Variants in RANBP10 observed in about 807,000 individuals in gnomAD.
RANBP10 encodes ran-binding protein 10.
Under a neutral mutation model 72.8 loss-of-function variants are expected in RANBP10, and 24 were observed. The observed-to-expected ratio is 0.33, with a 90% CI of 0.24 to 0.46. RANBP10 has a LOEUF of 0.46. RANBP10 is among the 20% of genes least tolerant of loss of function. The pLI, the probability that RANBP10 is intolerant of heterozygous loss-of-function variation, is 1.00. For synonymous variants in RANBP10, 310 were observed against 322.3 expected (o/e 0.96, Z 0.41); for missense variants, 679 against 817.5 (o/e 0.83, Z 2.07).
chr16:67,765,575 G>A (rs1167735163), intron 3 of RANBP10, among the ~76,000 whole-genome samples: 1 of 152,072 alleles, frequency 6.6e-6, no homozygotes, highest in Non-Finnish European at 1.5e-5. Context: ...AGTGGCTCAC[G>A]CCTGTAGTCC....
chr16:67,770,340 T>A (rs2143012272), intron 3 of RANBP10, among the ~76,000 whole-genome samples: 1 of 151,784 alleles, frequency 6.6e-6, no homozygotes, highest in South Asian at 2.1e-4. Context: ...GAAAAACCAG[T>A]TTTCACTCAG....
chr16:67,783,279 A>C (rs2054847150), intron 2 of RANBP10, among the ~76,000 whole-genome samples: 1 of 152,134 alleles, frequency 6.6e-6, no homozygotes, highest in Non-Finnish European at 1.5e-5. Flanking sequence ...AGAGGACAGA[A>C]CTTTAGAAAC....
At chr16:67,771,441 G>A (rs2054606106) in intron 3 of RANBP10, among the ~76,000 whole-genome samples, 1 of 151,990 alleles carries the variant, frequency 6.6e-6, no homozygotes, top group African/African-American at 2.4e-5. Flanking sequence ...CACCTCCCGG[G>A]TTCAAGCGAT....
At chr16:67,780,824 A>G (rs2054796879) in intron 2 of RANBP10, among the ~76,000 whole-genome samples, 1 of 152,252 alleles carries the variant, frequency 6.6e-6, no homozygotes, top group African/African-American at 2.4e-5. Context: ...GGAAAGGTCA[A>G]TTCTCTGAGA....
chr16:67,764,114 C>T (rs1350142241), intron 3 of RANBP10, among the ~76,000 whole-genome samples: 3 of 152,204 alleles, frequency 2.0e-5, no homozygotes, highest in African/African-American at 7.2e-5. Context: ...GAAACACTTA[C>T]TTCAGAGAGA....
At chr16:67,737,240 G>A (rs1312214831) in intron 5 of RANBP10, among the ~76,000 whole-genome samples, 1 of 116,462 alleles carries the variant, frequency 8.6e-6, no homozygotes, top group Admixed American at 1.3e-4. Context: ...TCGCTCTGTC[G>A]CCCAGGCTGA....
chr16:67,727,104 G>A (rs1051184485), intron 13 of RANBP10, among the ~76,000 whole-genome samples: 4 of 152,170 alleles, frequency 2.6e-5, no homozygotes, highest in Non-Finnish European at 5.9e-5. Context: ...AGACCAACCT[G>A]GCCAACATGG....
chr16:67,724,806 CA>C lies in RANBP10; in HGVS notation c.*1621del, dbSNP rs2053573124. On this transcript the variant is annotated 3_prime_UTR_variant, in exon 14 of 14. Transcript: ENST00000317506. ...TCCACCAATATGGAGCAGGAGCTTG[CA>C]AAGCCCAGATTCAGGCAGGGACTGA... 6.6e-6 allele frequency: 1 copy of C among 152,276 alleles called. No homozygotes were observed. The highest frequency in any genetic ancestry group is 2.4e-5 in the African/African-American group (1 of 41,456). The allele number at this position is 152,276 out of a possible 1,614,324, so 9.4% of individuals were successfully genotyped here.
intron 2 of RANBP10, among the ~76,000 whole-genome samples, chr16:67,786,684 T>C (rs1189582355): frequency 1.3e-5 from 2 of 152,182 alleles, no homozygotes; most frequent in Non-Finnish European, 2.9e-5. Flanking sequence ...TTTCAGCACT[T>C]TGGGAGGCCG....
chr16:67,800,315 AC>A (rs2055212345), intron 2 of RANBP10, among the ~76,000 whole-genome samples: 1 of 151,862 alleles, frequency 6.6e-6, no homozygotes, highest in Non-Finnish European at 1.5e-5. Flanking sequence ...AAATGCCCCC[AC>A]CCCTCTCCAT....
chr16:67,726,108 A>G lies in RANBP10; in HGVS notation c.*320T>C, dbSNP rs1034147900. The G allele has an allele frequency of 3.2e-6, 1 of 309,978 alleles. No homozygotes were observed. Among genetic ancestry groups the G allele is most frequent in the Non-Finnish European group, 6.3e-6 (1 of 159,552 alleles). 19.2% of individuals were successfully genotyped at this position (309,978 alleles called of 1,614,324 possible). On this transcript the variant is annotated 3_prime_UTR_variant, in exon 14 of 14. Coordinates refer to ENST00000317506, the MANE Select transcript of RANBP10 (RefSeq NM_020850.3). Reference sequence around the variant, plus strand: ...CTCCAGAGATAAATACTGGTGGCTCAGTCAGGAGAAAAAAATTTAAAAACC... The same window carrying G: ...CTCCAGAGATAAATACTGGTGGCTCGGTCAGGAGAAAAAAATTTAAAAACC...
At chr16:67,773,206 C>G (rs1249274148) in intron 2 of RANBP10, among the ~76,000 whole-genome samples, 4 of 152,152 alleles carry the variant, frequency 2.6e-5, no homozygotes, top group African/African-American at 4.8e-5. Flanking sequence ...AGTTCTTGCT[C>G]TATGTTCCTG....
intron 2 of RANBP10, among the ~76,000 whole-genome samples, chr16:67,800,828 G>T (rs1441551373): frequency 6.6e-6 from 1 of 152,120 alleles, no homozygotes; most frequent in Non-Finnish European, 1.5e-5. Context: ...CAGACTCATA[G>T]GTCTAACAGG....
chr16:67,760,738 C>T lies in RANBP10; in HGVS notation c.400+11296G>A, dbSNP rs78486828. On this transcript the variant is annotated intron_variant, in intron 3 of 13. Coordinates refer to ENST00000317506, the MANE Select transcript of RANBP10 (RefSeq NM_020850.3). ...CTGCTTTGAGGCATTGTAGTAACTA[C>T]GGTAATGTATGTCACACCGAGCGAA... Among the ~76,000 whole-genome samples, 1,135 of 152,282 alleles carry T rather than the reference C, an allele frequency of 7.5e-3. 7 individuals carry two copies. The highest frequency in any genetic ancestry group is 0.021 in the African/African-American group (869 of 41,556).
At chr16:67,782,986 G>A (rs987074479) in intron 2 of RANBP10, among the ~76,000 whole-genome samples, 1 of 151,968 alleles carries the variant, frequency 6.6e-6, no homozygotes, top group Non-Finnish European at 1.5e-5. Flanking sequence ...TCAGTGATGG[G>A]GGACACATTA....
intron 6 of RANBP10, 49 bp from the exon 7 acceptor site, chr16:67,731,633 A>G: frequency 1.4e-6 from 2 of 1,410,398 alleles, no homozygotes; most frequent in Non-Finnish European, 9.9e-7. Flanking sequence ...TGCACTTCTC[A>G]CTGACTACCC....
At chr16:67,764,251 T>C (rs1167941238) in intron 3 of RANBP10, among the ~76,000 whole-genome samples, 1 of 152,152 alleles carries the variant, frequency 6.6e-6, no homozygotes, top group African/African-American at 2.4e-5. Flanking sequence ...CCCAAGCCTC[T>C]CTTCCGAGGG....
intron 3 of RANBP10, among the ~76,000 whole-genome samples, chr16:67,746,305 C>G (rs985288376): frequency 1.3e-4 from 20 of 150,524 alleles, no homozygotes; most frequent in Non-Finnish European, 3.0e-4. Flanking sequence ...CACGGTGAAA[C>G]CCCATCTCTA....
chr16:67,771,948 TC>T, intron 3 of RANBP10, 85 bp downstream of exon 3: 1 of 1,492,406 alleles, frequency 6.7e-7, no homozygotes, highest in East Asian at 2.3e-5. Flanking sequence ...AACAAAGTCC[TC>T]CCCAGCCTCT....
Sources: gnomAD v4.1 joint callset for allele counts (sites outside exome capture counted in the v4.1 genomes callset) on GRCh38, gnomAD v4.1.1 for gene constraint, MANE v1.5 for transcripts, NCBI Gene and HGNC (gene_info 2026-07-23, HGNC 2026-07-21) for gene names.